DLG5: variants seen among roughly 807,000 people sequenced by gnomAD.
DLG5 encodes the protein disks large homolog 5.
A neutral mutation model predicts 189.8 loss-of-function variants in DLG5; 48 were observed. The ratio of observed to expected loss-of-function variants is 0.25; its 90% confidence interval spans 0.20 to 0.32. The LOEUF (loss-of-function observed/expected upper bound fraction) is 0.32, where lower values mean the gene tolerates loss of function less well. DLG5 is among the 10% of genes least tolerant of loss of function. DLG5 has a pLI of 1.00. For missense variants in DLG5, 2,160 were observed against 2,544.7 expected (o/e 0.85, Z 3.25); for synonymous variants, 1,016 against 1,054.1 (o/e 0.96, Z 0.70).
chr10:77,799,240 A>G (rs1211063126), intron 27 of DLG5, among the ~76,000 whole-genome samples: 1 of 152,238 alleles, frequency 6.6e-6, no homozygotes, highest in Non-Finnish European at 1.5e-5. Flanking sequence ...ACCTTAGACC[A>G]TACGGCAATG....
At position 77,819,356 on chromosome 10, in the gene DLG5, C is replaced by T. The variant is rs1462791954; in HGVS notation, c.3636G>A (p.Ala1212=). 10 of 1,613,906 alleles carry T rather than the reference C, an allele frequency of 6.2e-6. No homozygotes were observed. The highest frequency in any genetic ancestry group is 1.3e-5 in the African/African-American group (1 of 74,916). Residue 1212 remains alanine, a synonymous_variant, in exon 17 of 32, where the codon GCG becomes GCA. Transcript: ENST00000372391. ...HRVGPCSSPP[A]ARDAGPQGLH... ...AACCCTGGGGGCCAGCATCTCGGGCCGCAGGTGGAGAGCTGCAGGGGCCGA... is the reference window on the plus strand; with the variant it reads ...AACCCTGGGGGCCAGCATCTCGGGCTGCAGGTGGAGAGCTGCAGGGGCCGA...
Position 77,807,909 on chromosome 10 carries a change from C to T in DLG5, c.4683G>A (p.Glu1561=). ...GCTTCAGCATCTCCACATAGACTTC[C>T]TCCACTGTCTTGTTCCGCACGTCCA... ...GSLDVRNKTV[E]EVYVEMLKPR... Residue 1561 remains glutamate (E), a synonymous_variant, in exon 25 of 32, where the codon GAG becomes GAA. Transcript: ENST00000372391. 1 of 1,614,234 alleles carries T rather than the reference C, an allele frequency of 6.2e-7. No individual in the cohort carries two copies. Among genetic ancestry groups the T allele is most frequent in the Non-Finnish European group, 8.5e-7 (1 of 1,180,044 alleles).
chr10:77,940,542 A>G, the DLG5 span, among the ~76,000 whole-genome samples: 3 of 152,064 alleles, frequency 2.0e-5, no homozygotes, highest in Admixed American at 2.0e-4. Context: ...GTCACCTCTG[A>G]TCTCAGTTCA....
intron 1 of DLG5, among the ~76,000 whole-genome samples, chr10:77,909,970 G>C (rs1217561388): frequency 6.6e-6 from 1 of 152,098 alleles, no homozygotes; most frequent in Non-Finnish European, 1.5e-5. Context: ...CTGTGACTAA[G>C]CAAGAAGAAG....
chr10:77,853,462 C>T lies in DLG5; in HGVS notation c.756G>A (p.Gly252=), dbSNP rs1362061370. 3 of 1,611,816 alleles carry T rather than the reference C, an allele frequency of 1.9e-6. No homozygotes were observed. The change falls in exon 5 of 32, where the codon GGG becomes GGA. Residue 252 remains glycine, a synonymous_variant. Coordinates refer to ENST00000372391, the MANE Select transcript of DLG5 (RefSeq NM_004747.4). ...DDVDMLRREN[G]QLLRERNLLQ... ...GCAGGTTTCGCTCCCGCAGCAGCTGCCCATTCTCCCGCCTCAGCATGTCCA... is the reference window on the plus strand; with the variant it reads ...GCAGGTTTCGCTCCCGCAGCAGCTGTCCATTCTCCCGCCTCAGCATGTCCA...
chr10:77,858,278 A>G (rs181440714), intron 2 of DLG5, among the ~76,000 whole-genome samples: 4 of 152,282 alleles, frequency 2.6e-5, no homozygotes, highest in Non-Finnish European at 5.9e-5. Flanking sequence ...TAAGATTATA[A>G]TAGAGTTAGA....
intron 1 of DLG5, among the ~76,000 whole-genome samples, chr10:77,875,519 C>G (rs1337815976): frequency 6.6e-6 from 1 of 151,508 alleles, no homozygotes; most frequent in Non-Finnish European, 1.5e-5. Flanking sequence ...AGAGAAGGAG[C>G]TGTGGCTTCA....
intron 9 of DLG5, among the ~76,000 whole-genome samples, chr10:77,832,034 C>G (rs2154575991): frequency 6.6e-6 from 1 of 152,202 alleles, no homozygotes; most frequent in East Asian, 1.9e-4. Context: ...ATGGTAAAAC[C>G]CCGTCTCTAC....
intron 1 of DLG5, among the ~76,000 whole-genome samples, chr10:77,897,131 AGATCACCT>A (rs1339149967): frequency 3.9e-5 from 6 of 151,910 alleles, no homozygotes. Flanking sequence ...TGAGGCGGGC[AGATCACCT>A]GAGGTCAGGA....
chr10:77,881,608 T>C (rs530033668), intron 1 of DLG5, among the ~76,000 whole-genome samples: 3 of 152,236 alleles, frequency 2.0e-5, no homozygotes, highest in African/African-American at 7.2e-5. Context: ...TAGATAAATA[T>C]CTCCATCCTG....
rs551922390 is a variant in DLG5, at chr10:77,824,842, T to G, written c.2290-366A>C. ...ACAGAGGAAATGGAAGATAAATACATGCATGTGGCTCGGGAGAGCGGGGGA... is the reference window on the plus strand; with the variant it reads ...ACAGAGGAAATGGAAGATAAATACAGGCATGTGGCTCGGGAGAGCGGGGGA... On this transcript the variant is annotated intron_variant, in intron 13 of 31. Transcript: ENST00000372391. 8.5e-5 allele frequency: 17 copies of G among 200,462 alleles called. No homozygotes were observed. In the South Asian group the frequency reaches 2.4e-3, roughly 29 times the overall value. The allele number at this position is 200,462 out of a possible 1,614,324, so 12.4% of individuals were successfully genotyped here.
At chr10:77,885,833 G>A (rs547334253) in intron 1 of DLG5, among the ~76,000 whole-genome samples, 33 of 152,364 alleles carry the variant, frequency 2.2e-4, no homozygotes, top group African/African-American at 7.9e-4. Flanking sequence ...GGGCGTGACT[G>A]AGCCAGGTCA....
chr10:77,856,808 A>C lies in DLG5; in HGVS notation c.458T>G (p.Leu153Arg). ...GTTTCTCTCCCGGGTCATCAGCCGC[A>C]GCTGAATGGAGAGGTTCTCCACCTT... is the stretch of plus-strand genomic sequence containing the variant. The part of the protein sequence containing the change: ...NEKVENLSIQ[L>R]RLMTRERNEL... The change falls in exon 3 of 32, where the codon CTG (leucine) becomes CGG (arginine). Residue 153 changes from leucine (L) to arginine (R), a missense_variant. Physicochemically the swap from Leu to Arg is moderately radical, Grantham distance 102 (BLOSUM62 -2). Transcript: ENST00000372391. 6.2e-7 allele frequency: 1 copy of C among 1,613,430 alleles called. No homozygotes were observed. Among genetic ancestry groups the C allele is most frequent in the South Asian group, 1.1e-5 (1 of 91,004 alleles).
At chr10:77,845,614 A>AGAAG (rs1843647976) in intron 5 of DLG5, among the ~76,000 whole-genome samples, 1 of 151,110 alleles carries the variant, frequency 6.6e-6, no homozygotes, top group African/African-American at 2.4e-5. Context: ...GAAGAAGGGA[A>AGAAG]GGAAGGAAGG....
At chr10:77,911,916 A>C (rs970645135) in intron 1 of DLG5, among the ~76,000 whole-genome samples, 1 of 151,152 alleles carries the variant, frequency 6.6e-6, no homozygotes, top group African/African-American at 2.4e-5. Flanking sequence ...AAAAAAAAAC[A>C]GGCTGGGTGT....
rs1842069750 is a variant in DLG5, at chr10:77,816,689, T to G, written c.3887A>C (p.His1296Pro). 6.2e-7 allele frequency: 1 copy of G among 1,609,864 alleles called. No individual in the cohort carries two copies. ...VVGSERGSVS[H>P]SECSTPPQSP... Reference sequence around the variant, plus strand: ...CTGTGGAGGAGTGCTGCATTCAGAATGTGACACTGAACCTGCAGAGAGGAG... The same window carrying G: ...CTGTGGAGGAGTGCTGCATTCAGAAGGTGACACTGAACCTGCAGAGAGGAG... The change falls in exon 20 of 32, where the codon CAT becomes CCT. Residue 1296 changes from histidine (H) to proline (P), a missense_variant. Physicochemically the swap from His to Pro is moderately conservative, Grantham distance 77. This residue lies in a region of DLG5 where 754 missense variants were observed against 746.5 expected (regional missense o/e 1.01). Transcript: ENST00000372391.
intron 5 of DLG5, among the ~76,000 whole-genome samples, chr10:77,850,727 C>T (rs1282331526): frequency 6.6e-6 from 1 of 152,208 alleles, no homozygotes; most frequent in African/African-American, 2.4e-5. Flanking sequence ...ATATCATTAA[C>T]GACCACAACA....
the DLG5 span, among the ~76,000 whole-genome samples, chr10:77,934,366 C>A: frequency 1.2e-5 from 1 of 82,372 alleles, no homozygotes; most frequent in African/African-American, 4.5e-5. Flanking sequence ...AGTGAAACTC[C>A]ATCTCAAAAA....
At position 77,791,238 on chromosome 10, in the gene DLG5, C is replaced by T. The variant is rs1321082692; in HGVS notation, c.*1202G>A. The T allele has an allele frequency of 2.0e-5, 3 of 152,394 alleles. No homozygotes were observed. The highest frequency in any genetic ancestry group is 2.1e-4 in the South Asian group (1 of 4,812). The allele number at this position is 152,394 out of a possible 1,614,324, so 9.4% of individuals were successfully genotyped here. ...TATTAAAATATAGGTCCTACCCCAACGACACTTACACAGAGCCCAGTACAG... is the reference window on the plus strand; with the variant it reads ...TATTAAAATATAGGTCCTACCCCAATGACACTTACACAGAGCCCAGTACAG... On this transcript the variant is annotated 3_prime_UTR_variant, in exon 32 of 32. Transcript: ENST00000372391.
Sources: allele counts gnomAD v4.1 joint callset (sites outside exome capture counted in the v4.1 genomes callset), GRCh38; gene constraint gnomAD v4.1.1; regional missense constraint gnomAD v4.1.1; transcripts MANE v1.5; gene names NCBI Gene and HGNC (gene_info 2026-07-23, HGNC 2026-07-21).